SNTG1: variants seen among roughly 807,000 people sequenced by gnomAD.
SNTG1 encodes the protein syntrophin gamma 1.
SNTG1 carries 39 observed loss-of-function variants against 74.7 expected under a neutral mutation model. The ratio of observed to expected loss-of-function variants is 0.52; its 90% CI spans 0.40 to 0.68. SNTG1 has a LOEUF of 0.68. SNTG1 is among the 30% of genes least tolerant of loss of function. The pLI, the probability that SNTG1 is intolerant of heterozygous loss-of-function variation, is 0.00. For synonymous variants in SNTG1, 254 were observed against 217.1 expected (o/e 1.17, Z -1.49); for missense variants, 685 against 609.5 (o/e 1.12, Z -1.30).
intron 1 of SNTG1, among the ~76,000 whole-genome samples, chr8:50,012,345 G>A (rs1283926724): frequency 6.6e-6 from 1 of 152,028 alleles, no homozygotes; most frequent in Non-Finnish European, 1.5e-5. Flanking sequence ...ATGGAAATGT[G>A]GTCCTGCTGC....
At chr8:50,590,430 G>A (rs970202392) in intron 12 of SNTG1, among the ~76,000 whole-genome samples, 14 of 151,980 alleles carry the variant, frequency 9.2e-5, no homozygotes, top group Non-Finnish European at 1.6e-4. Context: ...ACTCTATCTG[G>A]AGTCTTGACT....
intron 1 of SNTG1, among the ~76,000 whole-genome samples, chr8:50,144,274 G>A (rs1377893208): frequency 2.0e-5 from 3 of 152,202 alleles, no homozygotes; most frequent in East Asian, 3.9e-4. Context: ...CAGATGGAAG[G>A]CAGATGGAGA....
At chr8:50,328,462 C>A (rs755585705) in intron 2 of SNTG1, among the ~76,000 whole-genome samples, 13 of 152,030 alleles carry the variant, frequency 8.6e-5, no homozygotes, top group Non-Finnish European at 1.8e-4. Context: ...GGCTGGGAGG[C>A]CTCAGGAAAC....
intron 1 of SNTG1, among the ~76,000 whole-genome samples, chr8:50,106,813 A>C (rs1563604713): frequency 6.6e-6 from 1 of 152,118 alleles, no homozygotes; most frequent in Non-Finnish European, 1.5e-5. Flanking sequence ...TGTCCACCCA[A>C]ATATTCACAG....
intron 17 of SNTG1, among the ~76,000 whole-genome samples, chr8:50,712,465 G>A (rs1370028454): frequency 1.3e-5 from 2 of 152,120 alleles, no homozygotes; most frequent in African/African-American, 4.8e-5. Context: ...GATTCCAAAT[G>A]TGTTTTTAGA....
chr8:50,267,455 A>C (rs2087540480), intron 2 of SNTG1, among the ~76,000 whole-genome samples: 1 of 152,180 alleles, frequency 6.6e-6, no homozygotes, highest in Non-Finnish European at 1.5e-5. Flanking sequence ...TCAATCTATG[A>C]GCTATACTTT....
At chr8:50,755,141 C>T (rs539222508) in intron 18 of SNTG1, among the ~76,000 whole-genome samples, 68 of 151,862 alleles carry the variant, frequency 4.5e-4, no homozygotes, top group Admixed American at 1.6e-3. Context: ...GTTCACATTA[C>T]AGTTGACTCT....
chr8:50,190,181 T>C (rs933421097), intron 2 of SNTG1, among the ~76,000 whole-genome samples: 1 of 152,166 alleles, frequency 6.6e-6, no homozygotes, highest in Non-Finnish European at 1.5e-5. Context: ...CACAGTCTAC[T>C]GTAACTGAGT....
chr8:50,607,074 C>T (rs544262536), intron 13 of SNTG1, among the ~76,000 whole-genome samples: 8 of 151,856 alleles, frequency 5.3e-5, no homozygotes, highest in African/African-American at 1.4e-4. Context: ...AAATCAAATT[C>T]GATATGTTAC....
chr8:50,524,033 G>A (rs558548290), intron 9 of SNTG1, among the ~76,000 whole-genome samples: 2 of 152,130 alleles, frequency 1.3e-5, no homozygotes, highest in East Asian at 3.9e-4. Context: ...ATGTCTTATA[G>A]TTACAGTGCC....
chr8:50,659,798 C>A (rs778374449), intron 15 of SNTG1, among the ~76,000 whole-genome samples: 1 of 152,300 alleles, frequency 6.6e-6, no homozygotes, highest in African/African-American at 2.4e-5. Context: ...AGATCATACA[C>A]GACTCCAGTT....
chr8:50,371,947 G>A (rs139496864), intron 2 of SNTG1, among the ~76,000 whole-genome samples: 2 of 152,178 alleles, frequency 1.3e-5, no homozygotes, highest in Non-Finnish European at 2.9e-5. Flanking sequence ...TAGACGGCAT[G>A]TAGTTGGATC....
At chr8:50,403,913 T>C (rs541463796) in intron 4 of SNTG1, among the ~76,000 whole-genome samples, 18 of 152,296 alleles carry the variant, frequency 1.2e-4, no homozygotes, top group African/African-American at 4.1e-4. Flanking sequence ...GATAATACCT[T>C]GCTTAATAAT....
intron 2 of SNTG1, among the ~76,000 whole-genome samples, chr8:50,326,970 T>C (rs1442456895): frequency 6.6e-6 from 1 of 152,096 alleles, no homozygotes; most frequent in Non-Finnish European, 1.5e-5. Context: ...TAGAAGAGTG[T>C]TGTTTAATCC....
At chr8:50,317,424 C>A (rs1010214371) in intron 2 of SNTG1, among the ~76,000 whole-genome samples, 4 of 152,180 alleles carry the variant, frequency 2.6e-5, no homozygotes, top group African/African-American at 9.7e-5. Context: ...CAGAGTTCTA[C>A]ACATCAGCCC....
chr8:50,185,689 A>G (rs1019246606), intron 2 of SNTG1, among the ~76,000 whole-genome samples: 10 of 152,156 alleles, frequency 6.6e-5, no homozygotes, highest in Admixed American at 2.6e-4. Flanking sequence ...TTTACTTTAA[A>G]GTTCACTAAT....
At chr8:50,578,508 T>C (rs1211625959) in intron 12 of SNTG1, among the ~76,000 whole-genome samples, 1 of 151,974 alleles carries the variant, frequency 6.6e-6, no homozygotes, top group Non-Finnish European at 1.5e-5. Flanking sequence ...GAACTGAGCT[T>C]TGGTGGGTGA....
chr8:50,227,364 G>C (rs1048074207), intron 2 of SNTG1, among the ~76,000 whole-genome samples: 29 of 152,070 alleles, frequency 1.9e-4, no homozygotes, highest in Non-Finnish European at 5.9e-5. Context: ...AAGAGAAGAG[G>C]GAGGGGAAGA....
chr8:50,062,786 A>T (rs558409559), intron 1 of SNTG1, among the ~76,000 whole-genome samples: 1 of 152,310 alleles, frequency 6.6e-6, no homozygotes, highest in Admixed American at 6.5e-5. Flanking sequence ...ATATTGTAAG[A>T]CTGAGTGAAT....
Sources: gnomAD v4.1 joint callset for allele counts (sites outside exome capture counted in the v4.1 genomes callset) on GRCh38, gnomAD v4.1.1 for gene constraint, MANE v1.5 for transcripts, NCBI Gene and HGNC (gene_info 2026-07-23, HGNC 2026-07-21) for gene names.